PLCB1: variants seen among roughly 807,000 people sequenced by gnomAD.
PLCB1 encodes 1-phosphatidylinositol 4,5-bisphosphate phosphodiesterase beta-1.
PLCB1 carries 46 observed loss-of-function variants against 161.8 expected under a neutral mutation model. The ratio of observed to expected loss-of-function variants is 0.28; its 90% confidence interval spans 0.22 to 0.36. The LOEUF (loss-of-function observed/expected upper bound fraction) is 0.36, where lower values mean the gene tolerates loss of function less well. PLCB1 is among the 10% of genes least tolerant of loss of function. The probability of loss-of-function intolerance (pLI) is 1.00; values close to 1 mark genes in which losing one functional copy is unlikely to be tolerated. For missense variants in PLCB1, 1,016 were observed against 1,472.5 expected, an observed-to-expected ratio of 0.69 and a Z score of 5.07; for synonymous variants, 517 against 503.7, an observed-to-expected ratio of 1.03 and a Z score of -0.35.
At chr20:8,743,560 G>C (rs1056056389) in intron 23 of PLCB1, among the ~76,000 whole-genome samples, 3 of 151,954 alleles carry the variant, frequency 2.0e-5, no homozygotes, top group African/African-American at 7.2e-5. Context: ...TAACCTGCTT[G>C]CCTCACCTCC....
intron 5 of PLCB1, among the ~76,000 whole-genome samples, chr20:8,646,699 A>G (rs1989180335): frequency 6.6e-6 from 1 of 152,254 alleles, no homozygotes; most frequent in South Asian, 2.1e-4. Context: ...AAGGATCTAA[A>G]GGAAAGAGAA....
intron 3 of PLCB1, among the ~76,000 whole-genome samples, chr20:8,528,341 C>T (rs1282504669): frequency 6.6e-6 from 1 of 151,986 alleles, no homozygotes; most frequent in Non-Finnish European, 1.5e-5. Flanking sequence ...ATGATGTATT[C>T]ATACAGTGCA....
Position 8,138,596 on chromosome 20 carries a change from G to A in PLCB1, c.99+5846G>A, listed in dbSNP as rs554247421. Among the ~76,000 whole-genome samples, 4 of 152,182 alleles carry A rather than the reference G, an allele frequency of 2.6e-5. No individual in the cohort carries two copies. In the South Asian group the frequency reaches 8.3e-4, roughly 32 times the overall value. ...CTAATCTTTTCCCTTTCTGTTCTAT[G>A]TCTGATCCCCCTAAGCAGAGCCTTG... On this transcript the variant is annotated intron_variant, in intron 1 of 31. Coordinates refer to ENST00000338037, the MANE Select transcript of PLCB1 (RefSeq NM_015192.4).
intron 2 of PLCB1, among the ~76,000 whole-genome samples, chr20:8,325,705 G>A (rs1418675227): frequency 6.6e-6 from 1 of 152,178 alleles, no homozygotes; most frequent in Non-Finnish European, 1.5e-5. Context: ...ATTCAAACCT[G>A]TCTGTCCTTA....
chr20:8,798,109 A>C (rs894987003), intron 31 of PLCB1, among the ~76,000 whole-genome samples: 2 of 151,956 alleles, frequency 1.3e-5, no homozygotes, highest in African/African-American at 4.8e-5. Flanking sequence ...AGGTGGGAGA[A>C]TTGCTTGGAC....
chr20:8,143,141 A>C (rs2051420858), intron 1 of PLCB1, among the ~76,000 whole-genome samples: 2 of 152,238 alleles, frequency 1.3e-5, no homozygotes, highest in South Asian at 2.1e-4. Flanking sequence ...AATGTTCCCC[A>C]GTCCCTTTTC....
Position 8,662,283 on chromosome 20 carries a change from T to G in PLCB1, c.862+3579T>G, listed in dbSNP as rs1989682270. 4.2e-5 allele frequency among the ~76,000 whole-genome samples: 3 copies of G among 72,152 alleles called. No individual in the cohort carries two copies. In the South Asian group the frequency reaches 1.3e-3, roughly 32 times the overall value. 47.3% of individuals were successfully genotyped at this position (72,152 alleles called of 152,430 possible). A position where few individuals can be genotyped will look rare whatever the true frequency, so the allele number is the denominator to read the frequency against. ...TATACATAAGTATTTATTATATAAT[T>G]ATGTATATAATTATTTATTATATAA... is the stretch of plus-strand genomic sequence containing the variant. On this transcript the variant is annotated intron_variant, in intron 9 of 31. Transcript: ENST00000338037.
chr20:8,506,295 A>T (rs1983635549), intron 3 of PLCB1, among the ~76,000 whole-genome samples: 1 of 152,252 alleles, frequency 6.6e-6, no homozygotes, highest in Non-Finnish European at 1.5e-5. Context: ...TGAACTTGCT[A>T]ATCTAATAAT....
intron 31 of PLCB1, among the ~76,000 whole-genome samples, chr20:8,795,093 G>T (rs7265680): frequency 2.6e-5 from 4 of 152,046 alleles, no homozygotes; most frequent in African/African-American, 9.7e-5. Context: ...CATGTGAGCT[G>T]GGACCTTAAG....
chr20:8,728,204 T>G (rs2123489853), intron 17 of PLCB1, among the ~76,000 whole-genome samples: 1 of 152,270 alleles, frequency 6.6e-6, no homozygotes, highest in Admixed American at 6.5e-5. Context: ...TTGTTAAATC[T>G]ATTTTATAGA....
chr20:8,692,079 G>A (rs1002075365), intron 10 of PLCB1, among the ~76,000 whole-genome samples: 2 of 152,072 alleles, frequency 1.3e-5, no homozygotes, highest in African/African-American at 4.8e-5. Flanking sequence ...ATCTATCTCC[G>A]GACAGCTAAT....
chr20:8,584,185 A>C (rs752924013), intron 3 of PLCB1, among the ~76,000 whole-genome samples: 1 of 152,096 alleles, frequency 6.6e-6, no homozygotes. Flanking sequence ...CGGTCATAGA[A>C]GGTTTATCAT....
intron 12 of PLCB1, 127 bp downstream of exon 12, chr20:8,708,879 G>T: frequency 1.7e-6 from 1 of 598,826 alleles, no homozygotes; most frequent in Non-Finnish European, 3.0e-6. Context: ...ATATTAACTG[G>T]CATGTTTTCA....
In PLCB1 at chr20:8,849,207, G is replaced by A. The variant is rs914388620; in HGVS notation, c.3424-32415G>A. ...GCTTCCCATTTTTTGACTAATGAGA[G>A]ATTATTCAAAATCTTGATATTGAGT... On this transcript the variant is annotated intron_variant, in intron 31 of 31. Transcript: ENST00000338037. Among the ~76,000 whole-genome samples, 3 of 152,138 alleles carry A rather than the reference G, an allele frequency of 2.0e-5. No homozygotes were observed. In the East Asian group the frequency reaches 5.8e-4, roughly 29 times the overall value.
Position 8,842,952 on chromosome 20 carries a change from A to G in PLCB1, c.3424-38670A>G, listed in dbSNP as rs191328937. ...GGAGGCAGAAATTGGGTATAAGACA[A>G]TATGATGGGTGGTTGCCTCCCTTAA... On this transcript the variant is annotated intron_variant, in intron 31 of 31. Coordinates refer to ENST00000338037, the MANE Select transcript of PLCB1 (RefSeq NM_015192.4). Among the ~76,000 whole-genome samples, 31 of 152,292 alleles carry G rather than the reference A, an allele frequency of 2.0e-4. 1 individual carries two copies. The highest frequency in any genetic ancestry group is 7.2e-4 in the African/African-American group (30 of 41,560).
intron 2 of PLCB1, among the ~76,000 whole-genome samples, chr20:8,317,768 A>G (rs528854350): frequency 6.6e-6 from 1 of 152,180 alleles, no homozygotes; most frequent in East Asian, 1.9e-4. Context: ...TTTCCAGTTA[A>G]TAAGGTTTTT....
intron 31 of PLCB1, among the ~76,000 whole-genome samples, chr20:8,798,598 C>A (rs67384683): frequency 6.6e-6 from 1 of 152,142 alleles, no homozygotes; most frequent in African/African-American, 2.4e-5. Flanking sequence ...ACACACACCC[C>A]TGGCCCAGGA....
chr20:8,365,657 A>G (rs1212738704), intron 2 of PLCB1, among the ~76,000 whole-genome samples: 5 of 152,200 alleles, frequency 3.3e-5, no homozygotes, highest in Admixed American at 6.5e-5. Context: ...TTTTAAAAAA[A>G]TTGTGCATTT....
At chr20:8,306,457 C>A (rs374927788) in intron 2 of PLCB1, 9 of 152,286 alleles carry the variant, frequency 5.9e-5, no homozygotes, top group African/African-American at 2.2e-4. Flanking sequence ...GTCAGATTTA[C>A]TTAAGTTTTG....
Sources: gnomAD v4.1 joint callset for allele counts (sites outside exome capture counted in the v4.1 genomes callset) on GRCh38, gnomAD v4.1.1 for gene constraint, MANE v1.5 for transcripts, NCBI Gene and HGNC (gene_info 2026-07-23, HGNC 2026-07-21) for gene names.